Variants in GARIN1B observed in about 807,000 individuals in gnomAD.
GARIN1B encodes golgi associated RAB2 interactor 1B.
chr7:128,722,034 C>T, the GARIN1B span, among the ~76,000 whole-genome samples: 1 of 151,998 alleles, frequency 6.6e-6, no homozygotes, highest in Non-Finnish European at 1.5e-5. Context: ...AATTTTGCAT[C>T]TATGCTCATG....
the GARIN1B span, chr7:128,713,957 G>A: frequency 6.6e-7 from 1 of 1,522,612 alleles, no homozygotes; most frequent in Non-Finnish European, 8.8e-7. Flanking sequence ...AAAGGATGTG[G>A]TCTCTGATCT....
the GARIN1B span, among the ~76,000 whole-genome samples, chr7:128,712,844 A>T: frequency 6.6e-6 from 1 of 152,226 alleles, no homozygotes; most frequent in South Asian, 2.1e-4. Flanking sequence ...AATTTCCTGT[A>T]AATTAACCCT....
the GARIN1B span, chr7:128,719,136 G>A: frequency 6.3e-7 from 1 of 1,580,198 alleles, no homozygotes; most frequent in Non-Finnish European, 8.6e-7. Context: ...GCAAGGTAGA[G>A]CTTAACCCAG....
chr7:128,716,841 T>C, the GARIN1B span: 2 of 1,612,642 alleles, frequency 1.2e-6, no homozygotes, highest in East Asian at 4.5e-5. Context: ...TGGAGAGACG[T>C]CTACAAAGCT....
At chr7:128,722,609 G>T in the GARIN1B span, among the ~76,000 whole-genome samples, 152 of 152,148 alleles carry the variant, frequency 1.0e-3, 1 homozygote, top group African/African-American at 2.0e-3. Flanking sequence ...ATCGAGACCA[G>T]CCTGGCCAAC....
chr7:128,721,134 C>T, the GARIN1B span, among the ~76,000 whole-genome samples: 1 of 152,072 alleles, frequency 6.6e-6, no homozygotes, highest in African/African-American at 2.4e-5. Flanking sequence ...TTTAGTTTCC[C>T]TTAGCAAAGT....
At chr7:128,724,543 C>T in the GARIN1B span, among the ~76,000 whole-genome samples, 1 of 152,098 alleles carries the variant, frequency 6.6e-6, no homozygotes, top group African/African-American at 2.4e-5. Flanking sequence ...GTACAGATGA[C>T]TTAGCATTAA....
the GARIN1B span, among the ~76,000 whole-genome samples, chr7:128,709,750 C>CTTT: frequency 0.11 from 12,658 of 114,898 alleles, 1,686 homozygotes; most frequent in African/African-American, 0.2. Flanking sequence ...CTCTCTCTCT[C>CTTT]TTTTTTTTTT....
At chr7:128,709,750 C>CTCTCTGTCT in the GARIN1B span, among the ~76,000 whole-genome samples, 1 of 114,618 alleles carries the variant, frequency 8.7e-6, no homozygotes, top group Non-Finnish European at 1.8e-5. Context: ...CTCTCTCTCT[C>CTCTCTGTCT]TTTTTTTTTT....
At chr7:128,724,925 C>G in the GARIN1B span, 2 of 1,215,610 alleles carry the variant, frequency 1.6e-6, no homozygotes, top group East Asian at 1.2e-4. Flanking sequence ...CTGACTGCAC[C>G]CTTGAGCATA....
chr7:128,730,241 C>G, the GARIN1B span, among the ~76,000 whole-genome samples: 1 of 152,160 alleles, frequency 6.6e-6, no homozygotes, highest in African/African-American at 2.4e-5. Flanking sequence ...CTGAGCAAAA[C>G]CATGATGTGT....
At chr7:128,722,905 A>G in the GARIN1B span, among the ~76,000 whole-genome samples, 1 of 152,214 alleles carries the variant, frequency 6.6e-6, no homozygotes, top group Non-Finnish European at 1.5e-5. Context: ...GCTTATATTA[A>G]TAGGCTATTC....
the GARIN1B span, chr7:128,723,054 A>G: frequency 7.9e-5 from 77 of 975,320 alleles, no homozygotes; most frequent in Non-Finnish European, 1.1e-4. Flanking sequence ...ATATGGCCTC[A>G]GAATTGCCTC....
At chr7:128,718,867 T>C in the GARIN1B span, 1 of 1,614,216 alleles carries the variant, frequency 6.2e-7, no homozygotes, top group South Asian at 1.1e-5. Flanking sequence ...TCCAGGTATG[T>C]GACCACTATC....
chr7:128,723,265 G>A, the GARIN1B span: 8 of 1,613,250 alleles, frequency 5.0e-6, no homozygotes, highest in African/African-American at 6.7e-5. Flanking sequence ...CCAAGGGGGA[G>A]AGTGAAGCCC....
the GARIN1B span, among the ~76,000 whole-genome samples, chr7:128,725,601 G>A: frequency 6.6e-6 from 1 of 152,046 alleles, no homozygotes; most frequent in Non-Finnish European, 1.5e-5. Flanking sequence ...CAAACTCCTG[G>A]CCTTATGTGA....
At chr7:128,710,085 T>C in the GARIN1B span, among the ~76,000 whole-genome samples, 1 of 152,116 alleles carries the variant, frequency 6.6e-6, no homozygotes, top group Admixed American at 6.6e-5. Flanking sequence ...ACCTGGCTAA[T>C]TTTTGTATTG....
At chr7:128,727,813 C>A in the GARIN1B span, among the ~76,000 whole-genome samples, 1 of 152,146 alleles carries the variant, frequency 6.6e-6, no homozygotes, top group African/African-American at 2.4e-5. Flanking sequence ...TCACACAACA[C>A]CTTCCTGCCA....
chr7:128,721,010 G>A, the GARIN1B span, among the ~76,000 whole-genome samples: 1 of 151,946 alleles, frequency 6.6e-6, no homozygotes, highest in African/African-American at 2.4e-5. Flanking sequence ...AAACCTGTTA[G>A]AATTTTGATA....
Sources: gnomAD v4.1 joint callset for allele counts (sites outside exome capture counted in the v4.1 genomes callset) on GRCh38, gnomAD v4.1.1 for gene constraint, MANE v1.5 for transcripts, NCBI Gene and HGNC (gene_info 2026-07-23, HGNC 2026-07-21) for gene names.